Variants in TSPEAR observed in about 807,000 individuals in gnomAD.
TSPEAR encodes the protein thrombospondin type laminin G domain and EAR repeats, also known as thrombospondin-type laminin G domain and EAR repeat-containing protein.
TSPEAR carries 69 observed loss-of-function variants against 71.6 expected under a neutral mutation model. The observed-to-expected ratio is 0.96, with a 90% CI of 0.79 to 1.18. The LOEUF (loss-of-function observed/expected upper bound fraction) is 1.18. TSPEAR is among the 50% of genes most tolerant of loss of function. TSPEAR has a pLI of 0.00. For synonymous variants in TSPEAR, 402 were observed against 387.2 expected (o/e 1.04, Z -0.45); for missense variants, 971 against 894.9 (o/e 1.09, Z -1.09).
intron 3 of TSPEAR, among the ~76,000 whole-genome samples, chr21:44,533,392 C>T (rs1038844318): frequency 2.5e-4 from 38 of 152,126 alleles, no homozygotes; most frequent in African/African-American, 8.2e-4. Context: ...GCCCCCTGGT[C>T]GGCTCCTGCC....
Position 44,525,684 on chromosome 21 carries a change from C to A in TSPEAR, c.1305G>T (p.Glu435Asp), listed in dbSNP as rs587656436. ...GGTGGTTGGCCACCGCCAGGAAGTG[C>A]TCCCCATCCACCTCGAAGGCCTCCC... ...RDWEAFEVDG[E>D]HFLAVANHRE... The change falls in exon 8 of 12, where the codon GAG (glutamate) becomes GAT (aspartate). Residue 435 changes from glutamate (E) to aspartate (D), a missense_variant. Transcript: ENST00000323084. 1 of 1,614,184 alleles carries A rather than the reference C, an allele frequency of 6.2e-7. No individual in the cohort carries two copies. Among genetic ancestry groups the A allele is most frequent in the East Asian group, 2.2e-5 (1 of 44,888 alleles).
chr21:44,670,462 A>G (rs74593005), intron 1 of TSPEAR, among the ~76,000 whole-genome samples: 1 of 152,274 alleles, frequency 6.6e-6, no homozygotes, highest in African/African-American at 2.4e-5. Context: ...GCGACAGGAA[A>G]TATCTGAGGC....
At chr21:44,542,847 G>T (rs2053245079) in intron 2 of TSPEAR, among the ~76,000 whole-genome samples, 1 of 151,570 alleles carries the variant, frequency 6.6e-6, no homozygotes, top group Non-Finnish European at 1.5e-5. Flanking sequence ...CTACACCTGG[G>T]CACATTGGGG....
chr21:44,557,735 G>A (rs587645031), intron 2 of TSPEAR: 21 of 392,022 alleles, frequency 5.4e-5, no homozygotes, highest in African/African-American at 2.2e-4. Flanking sequence ...CACCCCACGC[G>A]GCACGTTGAA....
At chr21:44,536,611 T>C (rs1569171547) in intron 2 of TSPEAR, among the ~76,000 whole-genome samples, 1 of 152,226 alleles carries the variant, frequency 6.6e-6, no homozygotes, top group Non-Finnish European at 1.5e-5. Flanking sequence ...CCTTTGACGC[T>C]TTCTCATGAA....
At chr21:44,704,672 G>T (rs1987825721) in intron 1 of TSPEAR, among the ~76,000 whole-genome samples, 1 of 152,206 alleles carries the variant, frequency 6.6e-6, no homozygotes, top group Admixed American at 6.5e-5. Context: ...TGGGCCCACA[G>T]GAAATTTCCA....
intron 1 of TSPEAR, among the ~76,000 whole-genome samples, chr21:44,614,819 G>A (rs1246460904): frequency 2.6e-5 from 4 of 152,226 alleles, no homozygotes; most frequent in African/African-American, 4.8e-5. Context: ...ACACTCGACC[G>A]AGAAGATTTC....
chr21:44,627,030 G>A (rs1982836939), intron 1 of TSPEAR: 15 of 1,312,620 alleles, frequency 1.1e-5, no homozygotes, highest in Non-Finnish European at 1.5e-5. Context: ...GGAAGGGGAA[G>A]CTGTGGGCCC....
intron 1 of TSPEAR, among the ~76,000 whole-genome samples, chr21:44,652,203 T>C (rs1356231028): frequency 2.0e-5 from 3 of 152,196 alleles, no homozygotes; most frequent in African/African-American, 7.2e-5. Flanking sequence ...CAGGATGGTC[T>C]CGATCTCCTG....
At chr21:44,533,307 A>G (rs1188205378) in intron 3 of TSPEAR, among the ~76,000 whole-genome samples, 1 of 152,180 alleles carries the variant, frequency 6.6e-6, no homozygotes, top group Admixed American at 6.5e-5. Context: ...GCCTCACCCC[A>G]TGCAGCCCTG....
chr21:44,524,251 T>TCAGCCAGC (rs587738391), intron 8 of TSPEAR, among the ~76,000 whole-genome samples: 8 of 151,476 alleles, frequency 5.3e-5, no homozygotes, highest in Non-Finnish European at 1.5e-5. Context: ...AGTCCATCAG[T>TCAGCCAGC]CAGCCAGCCA....
At chr21:44,530,920 G>A (rs374718797) in intron 4 of TSPEAR, 123 bp downstream of exon 4, 79 of 797,470 alleles carry the variant, frequency 9.9e-5, no homozygotes, top group East Asian at 3.4e-4. Flanking sequence ...CTCCACGCAC[G>A]CTGTACCTTC....
At chr21:44,691,258 G>T (rs1238326156) in intron 1 of TSPEAR, among the ~76,000 whole-genome samples, 5 of 152,222 alleles carry the variant, frequency 3.3e-5, no homozygotes, top group Admixed American at 1.3e-4. Context: ...GCATCATTAG[G>T]CCAGGGAACA....
intron 10 of TSPEAR, 22 bp downstream of exon 10, chr21:44,509,177 A>G (rs1213725763): frequency 1.2e-6 from 2 of 1,607,898 alleles, no homozygotes; most frequent in Non-Finnish European, 1.7e-6. Context: ...CCCACCTCCC[A>G]CTGGCCTGTG....
At chr21:44,517,485 G>A (rs2052614705) in intron 9 of TSPEAR, 2 of 295,298 alleles carry the variant, frequency 6.8e-6, no homozygotes, top group South Asian at 5.9e-5. Flanking sequence ...GCTAGGCTGG[G>A]TCATATGACA....
intron 2 of TSPEAR, among the ~76,000 whole-genome samples, chr21:44,561,590 T>A (rs2053633353): frequency 6.6e-6 from 1 of 152,228 alleles, no homozygotes; most frequent in Non-Finnish European, 1.5e-5. Context: ...AATAAAATAC[T>A]GGCAAACTGA....
chr21:44,709,681 G>C (rs573362998), intron 1 of TSPEAR, among the ~76,000 whole-genome samples: 9 of 152,370 alleles, frequency 5.9e-5, no homozygotes, highest in African/African-American at 2.2e-4. Flanking sequence ...GCGCAGCCAC[G>C]GCCCGGTGCC....
At chr21:44,654,201 G>T in intron 1 of TSPEAR, 1 of 1,211,090 alleles carries the variant, frequency 8.3e-7, no homozygotes, top group South Asian at 1.3e-5. Flanking sequence ...AGGATGTGGG[G>T]ACTGCCTGGC....
chr21:44,509,667 G>T (rs2145922853), intron 9 of TSPEAR, among the ~76,000 whole-genome samples: 1 of 152,282 alleles, frequency 6.6e-6, no homozygotes, highest in Non-Finnish European at 1.5e-5. Flanking sequence ...GCACAGCCCA[G>T]TGCCCGCTGT....
Sources: allele counts gnomAD v4.1 joint callset (sites outside exome capture counted in the v4.1 genomes callset), GRCh38; gene constraint gnomAD v4.1.1; transcripts MANE v1.5; gene names NCBI Gene and HGNC (gene_info 2026-07-23, HGNC 2026-07-21).